PTPN13: variants seen among roughly 807,000 people sequenced by gnomAD.
PTPN13 encodes tyrosine-protein phosphatase non-receptor type 13.
PTPN13 carries 191 observed loss-of-function variants against 284.0 expected under a neutral mutation model. The ratio of observed to expected loss-of-function variants is 0.67; its 90% CI spans 0.60 to 0.76. PTPN13 has a LOEUF of 0.76. PTPN13 is among the 30% of genes least tolerant of loss of function. PTPN13 has a pLI of 0.00. For missense variants in PTPN13, 2,797 were observed against 2,939.9 expected (o/e 0.95, Z 1.12); for synonymous variants, 986 against 1,022.3 (o/e 0.96, Z 0.68).
intron 4 of PTPN13, 112 bp downstream of exon 4, chr4:86,686,887 C>G: frequency 1.4e-6 from 1 of 736,180 alleles, no homozygotes; most frequent in East Asian, 3.0e-5. Flanking sequence ...GTCAGGTGTA[C>G]CAACATTCCT....
In PTPN13 at chr4:86,734,407, A is replaced by C; in HGVS notation, c.1963A>C (p.Thr655Pro). The C allele has an allele frequency of 6.4e-7, 1 of 1,559,514 alleles. No homozygotes were observed. Among genetic ancestry groups the C allele is most frequent in the Non-Finnish European group, 8.7e-7 (1 of 1,149,804 alleles). ...AAAGACCAAAGCCACTGTTAATTTT[A>C]CTTTGTTTTTCAGAATTAAATTTTT... ...KKKTKATVNF[T>P]LFFRIKFFMD... is the part of the protein sequence containing the mutation. Residue 655 changes from threonine to proline, a missense_variant, in exon 13 of 48, where the codon ACT becomes CCT. By Grantham distance (38) the Thr-to-Pro change is conservative (BLOSUM62 -1). Transcript: ENST00000411767.
intron 15 of PTPN13, among the ~76,000 whole-genome samples, chr4:86,736,404 T>G (rs1428850957): frequency 6.6e-6 from 1 of 152,214 alleles, no homozygotes; most frequent in African/African-American, 2.4e-5. Flanking sequence ...AACATTCTTC[T>G]GTTTTAGCTT....
intron 1 of PTPN13, among the ~76,000 whole-genome samples, chr4:86,606,508 G>T (rs537662000): frequency 6.6e-6 from 1 of 151,884 alleles, no homozygotes; most frequent in African/African-American, 2.4e-5. Context: ...TAAAGAAATA[G>T]AAATGAATGA....
intron 2 of PTPN13, among the ~76,000 whole-genome samples, chr4:86,655,821 A>G (rs1297212359): frequency 6.6e-6 from 1 of 152,170 alleles, no homozygotes; most frequent in African/African-American, 2.4e-5. Flanking sequence ...CTCCTGGATA[A>G]TATCCTGCAG....
In PTPN13 at chr4:86,730,371, A is replaced by C. The variant is rs139715110; in HGVS notation, c.1609-2029A>C. Among the ~76,000 whole-genome samples, 1,498 of 149,912 alleles carry C rather than the reference A, an allele frequency of 1.0e-2. 75 individuals carry two copies. Among genetic ancestry groups the C allele is most frequent in the African/African-American group, 0.034 (1,416 of 41,190 alleles). ...AGACAGGGACATTTAAGTCTGCAGA[A>C]GTTTCTGCTTCCTTTTGTTCAGCTA... On this transcript the variant is annotated intron_variant, in intron 10 of 47. Transcript: ENST00000411767.
At chr4:86,794,099 C>T (rs1006876493) in intron 40 of PTPN13, among the ~76,000 whole-genome samples, 4 of 151,750 alleles carry the variant, frequency 2.6e-5, no homozygotes, top group Non-Finnish European at 5.9e-5. Context: ...AGACTGCTAG[C>T]AAAAAGTCAA....
chr4:86,772,759 T>C lies in PTPN13; in HGVS notation c.5169-19T>C, dbSNP rs754763594. The C allele has an allele frequency of 1.9e-6, 3 of 1,573,278 alleles. No homozygotes were observed. Among genetic ancestry groups the C allele is most frequent in the Non-Finnish European group, 2.6e-6 (3 of 1,162,210 alleles). On this transcript the variant is annotated intron_variant, in intron 31 of 47. Transcript: ENST00000411767. The stretch of plus-strand genomic sequence containing the variant: ...ATTGAAATGTATTTAAAAATAGTCT[T>C]ACTTCTTTGTCTCTGTAGTAATCCT...
At chr4:86,619,643 T>G (rs1456246278) in intron 1 of PTPN13, among the ~76,000 whole-genome samples, 1 of 152,230 alleles carries the variant, frequency 6.6e-6, no homozygotes. Context: ...CTCTGATTAT[T>G]ACATTTGGCT....
intron 3 of PTPN13, among the ~76,000 whole-genome samples, chr4:86,686,272 GA>G (rs1326994576): frequency 6.6e-6 from 1 of 151,988 alleles, no homozygotes; most frequent in Non-Finnish European, 1.5e-5. Flanking sequence ...TGAGCCAGGA[GA>G]ATTGCCGGGG....
chr4:86,773,132 A>G (rs1348643052), intron 32 of PTPN13, among the ~76,000 whole-genome samples, 174 bp downstream of exon 32: 1 of 152,172 alleles, frequency 6.6e-6, no homozygotes, highest in Non-Finnish European at 1.5e-5. Context: ...AATAAGGCAA[A>G]AAGACCTGAG....
intron 20 of PTPN13, 146 bp downstream of exon 20, chr4:86,753,211 CA>C (rs1361711222): frequency 5.8e-6 from 3 of 518,912 alleles, no homozygotes; most frequent in African/African-American, 1.9e-5. Context: ...TATTTTTCAG[CA>C]TCATAATGAT....
At chr4:86,667,094 C>T (rs896299818) in intron 2 of PTPN13, among the ~76,000 whole-genome samples, 3 of 152,158 alleles carry the variant, frequency 2.0e-5, no homozygotes, top group African/African-American at 7.2e-5. Context: ...TCACTATCTG[C>T]CTAAATAATT....
intron 2 of PTPN13, chr4:86,661,128 C>T (rs1726438271): frequency 2.2e-6 from 1 of 453,044 alleles, no homozygotes; most frequent in Non-Finnish European, 4.4e-6. Flanking sequence ...TAGAAGTCTC[C>T]CTCATGTTCC....
At chr4:86,681,353 A>G (rs568193414) in intron 3 of PTPN13, among the ~76,000 whole-genome samples, 1 of 152,300 alleles carries the variant, frequency 6.6e-6, no homozygotes, top group South Asian at 2.1e-4. Flanking sequence ...TTTCTCTCCT[A>G]CGGAACATTT....
chr4:86,792,554 T>C (rs1165376191), intron 40 of PTPN13, among the ~76,000 whole-genome samples: 2 of 152,042 alleles, frequency 1.3e-5, no homozygotes, highest in Non-Finnish European at 2.9e-5. Context: ...GACACATAAT[T>C]GTCAGATTCA....
chr4:86,685,947 C>A (rs114593508), intron 3 of PTPN13, among the ~76,000 whole-genome samples: 2,542 of 152,256 alleles, frequency 0.017, 91 homozygotes, highest in African/African-American at 0.059. Context: ...AATTTTAATT[C>A]TCTATTAATA....
At chr4:86,808,360 C>G (rs1213094653) in intron 45 of PTPN13, among the ~76,000 whole-genome samples, 1 of 152,210 alleles carries the variant, frequency 6.6e-6, no homozygotes, top group Non-Finnish European at 1.5e-5. Context: ...ATCATTCATA[C>G]TGCAGTTACC....
intron 1 of PTPN13, among the ~76,000 whole-genome samples, chr4:86,606,124 G>C (rs1000823012): frequency 6.6e-6 from 1 of 151,748 alleles, no homozygotes; most frequent in Admixed American, 6.6e-5. Context: ...ACTATTGATT[G>C]AATTAAAGAT....
At chr4:86,622,287 A>G (rs926759882) in intron 1 of PTPN13, among the ~76,000 whole-genome samples, 4 of 152,112 alleles carry the variant, frequency 2.6e-5, no homozygotes, top group Non-Finnish European at 5.9e-5. Flanking sequence ...TGTAGCTTAG[A>G]TTTTTCTGCT....
Sources: allele counts gnomAD v4.1 joint callset (sites outside exome capture counted in the v4.1 genomes callset), GRCh38; gene constraint gnomAD v4.1.1; transcripts MANE v1.5; gene names NCBI Gene and HGNC (gene_info 2026-07-23, HGNC 2026-07-21).